Variants in SPATA18 observed in about 807,000 individuals in gnomAD.
SPATA18 encodes mitochondria-eating protein.
In SPATA18, 54 loss-of-function variants were observed where a neutral mutation model predicts 68.1. The ratio of observed to expected loss-of-function variants is 0.79; its 90% CI spans 0.64 to 0.99. SPATA18 has a LOEUF of 0.99. SPATA18 is among the 50% of genes least tolerant of loss of function. The pLI is 0.00. For missense variants in SPATA18, 724 were observed against 681.1 expected (o/e 1.06, Z -0.70); for synonymous variants, 242 against 244.8 (o/e 0.99, Z 0.11).
intron 1 of SPATA18, among the ~76,000 whole-genome samples, chr4:52,054,627 A>C (rs1738176884): frequency 6.6e-6 from 1 of 152,056 alleles, no homozygotes; most frequent in African/African-American, 2.4e-5. Flanking sequence ...CCTATACATC[A>C]AAGGTGGAGG....
intron 10 of SPATA18, among the ~76,000 whole-genome samples, chr4:52,084,379 TA>T (rs1741237479): frequency 6.6e-6 from 1 of 152,174 alleles, no homozygotes; most frequent in Non-Finnish European, 1.5e-5. Flanking sequence ...GGGGTTGAAG[TA>T]GGGAAATTTC....
chr4:52,066,648 C>T (rs1489286374), intron 4 of SPATA18, among the ~76,000 whole-genome samples: 3 of 152,130 alleles, frequency 2.0e-5, no homozygotes, highest in South Asian at 2.1e-4. Context: ...TATCCTGATG[C>T]TCTCCCTTCC....
intron 6 of SPATA18, among the ~76,000 whole-genome samples, chr4:52,072,599 G>A (rs1739958035): frequency 6.6e-6 from 1 of 152,046 alleles, no homozygotes; most frequent in Non-Finnish European, 1.5e-5. Context: ...AGAGATGCGG[G>A]TTCACCATGT....
intron 11 of SPATA18, among the ~76,000 whole-genome samples, chr4:52,091,184 C>T (rs1039741164): frequency 3.9e-5 from 6 of 151,958 alleles, no homozygotes; most frequent in African/African-American, 4.8e-5. Flanking sequence ...GTTAGCAATT[C>T]GACTAACCTT....
At position 52,087,731 on chromosome 4, in the gene SPATA18, C is replaced by T. The variant is rs1355078436; in HGVS notation, c.1563+2732C>T. Reference sequence around the variant, plus strand: ...TGCCTCTAGCTTTGTTCTTCTTGCCCAGGATTGTCTTGGCTAGGAGGGCTC... The same window carrying T: ...TGCCTCTAGCTTTGTTCTTCTTGCCTAGGATTGTCTTGGCTAGGAGGGCTC... On this transcript the variant is annotated intron_variant, in intron 11 of 12. Coordinates refer to ENST00000295213, the MANE Select transcript of SPATA18 (RefSeq NM_145263.4). Among the ~76,000 whole-genome samples the T allele has an allele frequency of 2.0e-5, 3 of 151,884 alleles. No individual in the cohort carries two copies. The East Asian group carries it at 5.8e-4, about 29-fold the overall frequency.
chr4:52,083,281 G>T, intron 10 of SPATA18: 1 of 985,314 alleles, frequency 1.0e-6, no homozygotes, highest in Non-Finnish European at 1.2e-6. Flanking sequence ...ACAGCTGGCT[G>T]ATCTCTGTTC....
At chr4:52,064,160 T>TGTG (rs1578157868) in intron 4 of SPATA18, among the ~76,000 whole-genome samples, 2 of 148,776 alleles carry the variant, frequency 1.3e-5, no homozygotes, top group East Asian at 2.0e-4. Flanking sequence ...ATATGCTTTA[T>TGTG]CACGTATGTG....
intron 6 of SPATA18, among the ~76,000 whole-genome samples, chr4:52,072,626 G>C (rs910423187): frequency 3.3e-5 from 5 of 152,066 alleles, no homozygotes; most frequent in African/African-American, 1.2e-4. Flanking sequence ...GGCTGGTCTC[G>C]AACTCTTGAC....
At chr4:52,073,845 T>C (rs1034611159) in intron 6 of SPATA18, among the ~76,000 whole-genome samples, 7 of 152,202 alleles carry the variant, frequency 4.6e-5, no homozygotes, top group East Asian at 3.8e-4. Flanking sequence ...GTTTCCACTT[T>C]TCCAGACACA....
chr4:52,077,856 A>G (rs1044923465), intron 7 of SPATA18, among the ~76,000 whole-genome samples: 1 of 152,152 alleles, frequency 6.6e-6, no homozygotes, highest in Non-Finnish European at 1.5e-5. Context: ...TGTTTGTTCT[A>G]TGGGTTAGTG....
At chr4:52,054,272 G>A (rs1738143702) in intron 1 of SPATA18, among the ~76,000 whole-genome samples, 1 of 152,160 alleles carries the variant, frequency 6.6e-6, no homozygotes, top group Non-Finnish European at 1.5e-5. Context: ...CTGCTTCAGG[G>A]CATTTGCACT....
rs755774657 is a variant in SPATA18 at position 52,076,981 on chromosome 4, C to G, written c.961C>G (p.Leu321Val). The G allele has an allele frequency of 6.2e-7, 1 of 1,613,438 alleles. No individual in the cohort carries two copies. The highest frequency in any genetic ancestry group is 1.7e-5 in the Admixed American group (1 of 59,904). Residue 321 changes from leucine (L) to valine (V), a missense_variant, in exon 7 of 13, where the codon CTG (leucine) becomes GTG (valine). Leu to Val is a conservative substitution (Grantham distance 32). Transcript: ENST00000295213. Reference protein sequence around the residue: ...SQARLDAQCLLRRCIDKAETV... With the variant: ...SQARLDAQCLVRRCIDKAETV... The stretch of plus-strand genomic sequence containing the variant: ...GGCCCGCCTGGACGCGCAGTGCCTG[C>G]TGCGGCGCTGCATCGACAAGGCTGA...
chr4:52,052,518 GCTTTACATTCGGTCGGTCCGT>G (rs1360206657), intron 1 of SPATA18, among the ~76,000 whole-genome samples: 2 of 152,164 alleles, frequency 1.3e-5, no homozygotes, highest in Non-Finnish European at 2.9e-5. Flanking sequence ...TGTTGAATTT[GCTTTACATTCGGTCGGTCCGT>G]CTTAAATAGG....
chr4:52,069,066 A>G (rs1739575462), intron 4 of SPATA18, among the ~76,000 whole-genome samples: 1 of 152,160 alleles, frequency 6.6e-6, no homozygotes, highest in Admixed American at 6.5e-5. Flanking sequence ...ACAGGGTCTC[A>G]CTATGTTGCA....
At chr4:52,054,844 G>C (rs1008513276) in intron 1 of SPATA18, among the ~76,000 whole-genome samples, 2 of 150,612 alleles carry the variant, frequency 1.3e-5, no homozygotes, top group Non-Finnish European at 2.9e-5. Context: ...TTTATCTCGA[G>C]GCCAGTACTT....
chr4:52,062,344 G>GC lies in SPATA18; in HGVS notation c.422+13dup. The GC allele has an allele frequency of 6.6e-7, 1 of 1,520,818 alleles. No individual in the cohort carries two copies. The highest frequency in any genetic ancestry group is 9.0e-7 in the Non-Finnish European group (1 of 1,109,872). 94.2% of individuals were successfully genotyped at this position (1,520,818 alleles called of 1,614,324 possible). On this transcript the variant is annotated intron_variant, in intron 4 of 12. Coordinates refer to ENST00000295213, the MANE Select transcript of SPATA18 (RefSeq NM_145263.4). ...CAGGTTCAAGACGAGTAAGAGGAATGCAAGTTATCTTTTTCCAAAAAGAAT... is the reference window on the plus strand; with the variant it reads ...CAGGTTCAAGACGAGTAAGAGGAATGCCAAGTTATCTTTTTCCAAAAAGAAT...
At position 52,076,766 on chromosome 4, in the gene SPATA18, C is replaced by G. The variant is rs1337298080; in HGVS notation, c.759-13C>G. The G allele has an allele frequency of 6.2e-7, 1 of 1,609,410 alleles. No homozygotes were observed. Among genetic ancestry groups the G allele is most frequent in the South Asian group, 1.1e-5 (1 of 90,600 alleles). ...TCAAAGGATTTCCCTGGCTGATTCT[C>G]GCTCACCAACAGGTCCTCCAGGAGC... On this transcript the variant is annotated splice_polypyrimidine_tract_variant and intron_variant, in intron 6 of 12. Transcript: ENST00000295213.
intron 1 of SPATA18, among the ~76,000 whole-genome samples, chr4:52,055,923 T>C (rs1738298106): frequency 6.6e-6 from 1 of 152,234 alleles, no homozygotes; most frequent in Non-Finnish European, 1.5e-5. Context: ...ATCTACTGCA[T>C]AGTGGCGTCT....
intron 1 of SPATA18, among the ~76,000 whole-genome samples, chr4:52,058,091 C>T (rs976325340): frequency 3.3e-5 from 5 of 152,176 alleles, no homozygotes; most frequent in African/African-American, 9.7e-5. Context: ...TATAAAATGG[C>T]CAGGGCAAGG....
Sources: gnomAD v4.1 joint callset for allele counts (sites outside exome capture counted in the v4.1 genomes callset) on GRCh38, gnomAD v4.1.1 for gene constraint, MANE v1.5 for transcripts, NCBI Gene and HGNC (gene_info 2026-07-23, HGNC 2026-07-21) for gene names.